IL1RAPL2: variants seen among roughly 807,000 people sequenced by gnomAD.
The protein encoded by IL1RAPL2 is X-linked interleukin-1 receptor accessory protein-like 2.
Under a neutral mutation model 44.1 loss-of-function variants are expected in IL1RAPL2, and 3 were observed. The observed-to-expected ratio is 0.07, with a 90% confidence interval of 0.03 to 0.18. The LOEUF is 0.18. IL1RAPL2 is among the 10% of genes least tolerant of loss of function. The pLI is 1.00. For missense variants in IL1RAPL2, 391 were observed against 496.4 expected (o/e 0.79, Z 2.02); for synonymous variants, 181 against 178.8 (o/e 1.01, Z -0.10).
intron 2 of IL1RAPL2, among the ~76,000 whole-genome samples, chrX:104,987,261 AG>A (rs1015782983): frequency 9.0e-6 from 1 of 111,262 alleles, no homozygotes; most frequent in Non-Finnish European, 1.9e-5. Flanking sequence ...ATAGTGTTCC[AG>A]GTTTCTGGAA....
intron 5 of IL1RAPL2, among the ~76,000 whole-genome samples, chrX:105,447,086 T>C (rs367823289): frequency 1.8e-5 from 1 of 54,742 alleles, no homozygotes; most frequent in African/African-American, 1.2e-4. Flanking sequence ...TATATATATA[T>C]ATATATATAT....
rs756169687 is a variant in IL1RAPL2 at position 104,880,852 on chromosome X, G to A, written c.82+221857G>A. Among the ~76,000 whole-genome samples, 31 of 111,474 alleles carry A rather than the reference G, an allele frequency of 2.8e-4. 1 individual carries two copies. Among genetic ancestry groups the A allele is most frequent in the Admixed American group, 1.9e-3 (20 of 10,467 alleles). On this transcript the variant is annotated intron_variant, in intron 2 of 10. Transcript: ENST00000372582. ...AATAGAATAAGCAATCCTTCAACAC[G>A]CCATCAACTTTTGAGTCCCATGATT...
chrX:105,431,664 T>C (rs777181038), intron 5 of IL1RAPL2, among the ~76,000 whole-genome samples: 1 of 111,677 alleles, frequency 9.0e-6, no homozygotes, highest in Non-Finnish European at 1.9e-5. Context: ...TTAGAGGTTC[T>C]AGGAAGACCC....
rs1315715594 is a variant in IL1RAPL2, at chrX:105,527,727, C to A, written c.772+43340C>A. 2.7e-5 allele frequency among the ~76,000 whole-genome samples: 3 copies of A among 110,926 alleles called. No individual in the cohort carries two copies. The East Asian group carries it at 8.5e-4, about 31-fold the overall frequency. On this transcript the variant is annotated intron_variant, in intron 6 of 10. Coordinates refer to ENST00000372582, the MANE Select transcript of IL1RAPL2 (RefSeq NM_017416.2). ...CAGTGGTTCTAGTGAAAAATCAGAA[C>A]ACCTCAAGAAGATAGATATCTTTAG... is the stretch of plus-strand genomic sequence containing the variant.
At chrX:104,995,222 C>T (rs746050927) in intron 2 of IL1RAPL2, among the ~76,000 whole-genome samples, 1 of 111,312 alleles carries the variant, frequency 9.0e-6, no homozygotes, top group South Asian at 3.8e-4. Context: ...TACTTTTATT[C>T]TTTGTTATCT....
intron 5 of IL1RAPL2, among the ~76,000 whole-genome samples, chrX:105,382,863 G>C (rs1271495022): frequency 9.5e-6 from 1 of 105,364 alleles, no homozygotes; most frequent in African/African-American, 3.5e-5. Flanking sequence ...GCAAACTATC[G>C]TAAGAACAAA....
At chrX:105,523,278 T>C (rs1490118244) in intron 6 of IL1RAPL2, among the ~76,000 whole-genome samples, 3 of 111,805 alleles carry the variant, frequency 2.7e-5, no homozygotes, top group African/African-American at 6.5e-5. Flanking sequence ...TGTGTCTGAA[T>C]TGAAATCCTG....
intron 2 of IL1RAPL2, among the ~76,000 whole-genome samples, chrX:104,829,423 C>A (rs1286383674): frequency 1.8e-5 from 2 of 111,549 alleles, no homozygotes; most frequent in Non-Finnish European, 3.8e-5. Flanking sequence ...TTAGGTGACA[C>A]CCCACCCTGC....
chrX:105,446,767 T>C (rs1310612960), intron 5 of IL1RAPL2, among the ~76,000 whole-genome samples: 8 of 109,182 alleles, frequency 7.3e-5, no homozygotes, highest in Non-Finnish European at 1.3e-4. Context: ...TTGTTGTAGT[T>C]ATTATTTTTG....
chrX:105,534,969 G>T (rs185596363), intron 6 of IL1RAPL2, among the ~76,000 whole-genome samples: 1 of 111,883 alleles, frequency 8.9e-6, no homozygotes, highest in Non-Finnish European at 1.9e-5. Flanking sequence ...TAGGCAAAGA[G>T]TTCTTAAACA....
chrX:105,471,825 C>G (rs982508303), intron 5 of IL1RAPL2, among the ~76,000 whole-genome samples: 4 of 111,459 alleles, frequency 3.6e-5, no homozygotes, highest in African/African-American at 1.3e-4. Context: ...GGTAATAACC[C>G]CCACAAGAGT....
Position 104,759,885 on chromosome X carries a change from C to T in IL1RAPL2, c.82+100890C>T, listed in dbSNP as rs367552985. Among the ~76,000 whole-genome samples the T allele has an allele frequency of 7.2e-5, 8 of 111,566 alleles. 1 individual carries two copies. The highest frequency in any genetic ancestry group is 2.8e-4 in the East Asian group (1 of 3,528). On this transcript the variant is annotated intron_variant, in intron 2 of 10. Transcript: ENST00000372582. ...GTAATACTGTTGTGCTATCAAATAG[C>T]AGGTCTTACTCAATCTTTCTAACTT...
intron 6 of IL1RAPL2, among the ~76,000 whole-genome samples, chrX:105,572,163 C>G (rs2037018915): frequency 9.0e-6 from 1 of 111,263 alleles, no homozygotes; most frequent in South Asian, 3.7e-4. Flanking sequence ...CCGACATGTC[C>G]AATATGTATT....
intron 2 of IL1RAPL2, among the ~76,000 whole-genome samples, chrX:104,708,845 C>A (rs1931404829): frequency 9.0e-6 from 1 of 110,892 alleles, no homozygotes; most frequent in Admixed American, 9.7e-5. Context: ...AAGTTAGTTT[C>A]TCTCTGGCTT....
At chrX:105,355,454 G>T (rs987124106) in intron 5 of IL1RAPL2, among the ~76,000 whole-genome samples, 7 of 110,977 alleles carry the variant, frequency 6.3e-5, no homozygotes, top group African/African-American at 2.3e-4. Flanking sequence ...ATACCTTAAG[G>T]CTCTAAGTTT....
At chrX:104,981,315 T>C (rs950754074) in intron 2 of IL1RAPL2, among the ~76,000 whole-genome samples, 1 of 110,464 alleles carries the variant, frequency 9.1e-6, no homozygotes, top group Non-Finnish European at 1.9e-5. Context: ...CCCTGGTGTC[T>C]ATTGCCTGCT....
chrX:104,866,239 T>A (rs1285083497), intron 2 of IL1RAPL2, among the ~76,000 whole-genome samples: 2 of 111,927 alleles, frequency 1.8e-5, no homozygotes, highest in Non-Finnish European at 3.8e-5. Flanking sequence ...TAGTGTGTTG[T>A]AGAGTCAATT....
At chrX:105,438,476 A>G (rs750284199) in intron 5 of IL1RAPL2, among the ~76,000 whole-genome samples, 43 of 111,487 alleles carry the variant, frequency 3.9e-4, no homozygotes, top group African/African-American at 1.4e-3. Context: ...TTGGGGTTAC[A>G]TTAGAAGATG....
intron 6 of IL1RAPL2, among the ~76,000 whole-genome samples, chrX:105,615,712 C>T (rs541218108): frequency 1.7e-4 from 19 of 111,636 alleles, no homozygotes; most frequent in African/African-American, 6.2e-4. Context: ...GGAGGGATGG[C>T]TAATGGATAC....
Sources: allele counts gnomAD v4.1 joint callset (sites outside exome capture counted in the v4.1 genomes callset), GRCh38; gene constraint gnomAD v4.1.1; transcripts MANE v1.5; gene names NCBI Gene and HGNC (gene_info 2026-07-23, HGNC 2026-07-21).